Variants in PTPN13 observed in about 807,000 individuals in gnomAD.
PTPN13 encodes tyrosine-protein phosphatase non-receptor type 13.
A neutral mutation model predicts 284.0 loss-of-function variants in PTPN13; 191 were observed. That is an observed-to-expected ratio of 0.67 (90% CI 0.60 to 0.76). The LOEUF (loss-of-function observed/expected upper bound fraction) is 0.76, where lower values mean the gene tolerates loss of function less well. PTPN13 is among the 30% of genes least tolerant of loss of function. PTPN13 has a pLI of 0.00. For synonymous variants in PTPN13, 986 were observed against 1,022.3 expected (o/e 0.96, Z 0.68); for missense variants, 2,797 against 2,939.9 (o/e 0.95, Z 1.12).
intron 13 of PTPN13, 90 bp downstream of exon 13, chr4:86,734,546 C>G: frequency 7.7e-7 from 1 of 1,295,426 alleles, no homozygotes; most frequent in Non-Finnish European, 1.0e-6. Flanking sequence ...TGATTCCAAT[C>G]AATGATAATG....
intron 26 of PTPN13, 135 bp downstream of exon 26, chr4:86,765,623 T>C: frequency 1.7e-6 from 1 of 605,090 alleles, no homozygotes; most frequent in Non-Finnish European, 2.7e-6. Context: ...ACTGTAGCAT[T>C]AAGAAACTCT....
In PTPN13 at chr4:86,815,159, A is replaced by C. The variant is rs1211910997; in HGVS notation, c.*608A>C. The stretch of plus-strand genomic sequence containing the variant: ...CACACCTTAAAACATGAACAAGCCA[A>C]AACTGTGTGCAGACAAATTAGACAT... On this transcript the variant is annotated 3_prime_UTR_variant, in exon 48 of 48. Coordinates refer to ENST00000411767, the MANE Select transcript of PTPN13 (RefSeq NM_080683.3). 6.6e-6 allele frequency: 1 copy of C among 152,564 alleles called. No homozygotes were observed. The highest frequency in any genetic ancestry group is 2.4e-5 in the African/African-American group (1 of 41,452). 9.5% of individuals were successfully genotyped at this position (152,564 alleles called of 1,614,324 possible).
At chr4:86,638,065 A>C (rs1723258751) in intron 2 of PTPN13, among the ~76,000 whole-genome samples, 1 of 152,080 alleles carries the variant, frequency 6.6e-6, no homozygotes, top group Admixed American at 6.6e-5. Flanking sequence ...TCATGAGTGA[A>C]CTCCCATTCA....
chr4:86,764,456 G>T, intron 24 of PTPN13, 137 bp from the exon 25 acceptor site: 4 of 625,398 alleles, frequency 6.4e-6, no homozygotes, highest in Non-Finnish European at 1.0e-5. Context: ...ACACATATTT[G>T]TCTTTCAGTA....
chr4:86,793,801 AC>A (rs1578689732), intron 40 of PTPN13, among the ~76,000 whole-genome samples: 1 of 152,244 alleles, frequency 6.6e-6, no homozygotes, highest in African/African-American at 2.4e-5. Flanking sequence ...GTCCTTTGAA[AC>A]CAATGAGAAC....
intron 1 of PTPN13, among the ~76,000 whole-genome samples, chr4:86,630,050 G>A (rs1048900110): frequency 6.6e-5 from 10 of 152,118 alleles, no homozygotes; most frequent in South Asian, 2.1e-4. Context: ...ACAGGCATAA[G>A]TCACTGCACC....
chr4:86,679,685 A>G (rs959558998), intron 3 of PTPN13, among the ~76,000 whole-genome samples: 5 of 152,190 alleles, frequency 3.3e-5, no homozygotes, highest in African/African-American at 1.2e-4. Flanking sequence ...TGTGTTGCTA[A>G]AAGGAGCTAT....
At position 86,796,242 on chromosome 4, in the gene PTPN13, A is replaced by C. The variant is rs149735025; in HGVS notation, c.6346-632A>C. Among the ~76,000 whole-genome samples the C allele has an allele frequency of 1.9e-3, 284 of 152,338 alleles. 2 individuals carry two copies. The highest frequency in any genetic ancestry group is 6.3e-3 in the African/African-American group (263 of 41,578). ...TTTTTTTAGATTTTAAAATTGAAGT[A>C]GAAAAGCACATACCAAATGTGCATA... On this transcript the variant is annotated intron_variant, in intron 40 of 47. Coordinates refer to ENST00000411767, the MANE Select transcript of PTPN13 (RefSeq NM_080683.3).
chr4:86,747,376 G>A (rs1736886324), intron 17 of PTPN13, among the ~76,000 whole-genome samples: 1 of 152,170 alleles, frequency 6.6e-6, no homozygotes, highest in Non-Finnish European at 1.5e-5. Context: ...ATTCATACGT[G>A]TAGAATCCTT....
chr4:86,799,400 C>G (rs1743733549), intron 42 of PTPN13, among the ~76,000 whole-genome samples, 196 bp downstream of exon 42: 1 of 123,310 alleles, frequency 8.1e-6, no homozygotes, highest in Non-Finnish European at 1.9e-5. Context: ...ACCACCTCCC[C>G]AGTTCACTAC....
chr4:86,684,165 G>A (rs1222614362), intron 3 of PTPN13, among the ~76,000 whole-genome samples: 1 of 151,486 alleles, frequency 6.6e-6, no homozygotes, highest in East Asian at 1.9e-4. Context: ...TATACAACAA[G>A]GTAATAGTTA....
At position 86,661,416 on chromosome 4, in the gene PTPN13, C is replaced by T. The variant is rs1045454884; in HGVS notation, c.116-10949C>T. ...CATTTAGTAACAAGTTAAAATTTTA[C>T]TTTCTTGGGGTGATGTGTGTCAGTC... On this transcript the variant is annotated intron_variant, in intron 2 of 47. Coordinates refer to ENST00000411767, the MANE Select transcript of PTPN13 (RefSeq NM_080683.3). Among the ~76,000 whole-genome samples the T allele has an allele frequency of 3.9e-5, 6 of 152,142 alleles. No individual in the cohort carries two copies. In the South Asian group the frequency reaches 6.2e-4, roughly 16 times the overall value.
intron 1 of PTPN13, among the ~76,000 whole-genome samples, chr4:86,603,141 A>C (rs1764453040): frequency 6.6e-6 from 1 of 152,106 alleles, no homozygotes; most frequent in Non-Finnish European, 1.5e-5. Context: ...ATATTTTTTC[A>C]TGTTTTAGAA....
intron 45 of PTPN13, among the ~76,000 whole-genome samples, chr4:86,808,331 A>T (rs149824903): frequency 9.7e-4 from 148 of 152,370 alleles, no homozygotes; most frequent in African/African-American, 3.4e-3. Flanking sequence ...TAATTTTAGC[A>T]TAAACAGTTG....
chr4:86,716,236 T>C (rs998675754), intron 7 of PTPN13, among the ~76,000 whole-genome samples: 1 of 152,148 alleles, frequency 6.6e-6, no homozygotes, highest in Non-Finnish European at 1.5e-5. Flanking sequence ...TTATACCCCC[T>C]CTTTGGCTGA....
chr4:86,622,578 G>A (rs935020866), intron 1 of PTPN13, among the ~76,000 whole-genome samples: 1 of 152,180 alleles, frequency 6.6e-6, no homozygotes, highest in African/African-American at 2.4e-5. Context: ...GAGATATACA[G>A]TGTATAGACC....
intron 7 of PTPN13, among the ~76,000 whole-genome samples, chr4:86,702,682 G>C (rs1731293363): frequency 1.3e-5 from 2 of 152,074 alleles, no homozygotes; most frequent in African/African-American, 4.8e-5. Context: ...GCTATTTTCA[G>C]TATAAATAGA....
At chr4:86,599,081 C>T (rs1056737454) in intron 1 of PTPN13, among the ~76,000 whole-genome samples, 2 of 152,092 alleles carry the variant, frequency 1.3e-5, no homozygotes, top group African/African-American at 4.8e-5. Context: ...TTAATAATCT[C>T]CATGCCCCGG....
At chr4:86,764,853 T>C in intron 25 of PTPN13, 129 bp downstream of exon 25, 1 of 1,043,466 alleles carries the variant, frequency 9.6e-7, no homozygotes, top group Non-Finnish European at 1.3e-6. Context: ...ATTCTAAAAC[T>C]GAATCATATC....
Sources: gnomAD v4.1 joint callset for allele counts (sites outside exome capture counted in the v4.1 genomes callset) on GRCh38, gnomAD v4.1.1 for gene constraint, MANE v1.5 for transcripts, NCBI Gene and HGNC (gene_info 2026-07-23, HGNC 2026-07-21) for gene names.